GPR149: variants seen among roughly 807,000 people sequenced by gnomAD.
GPR149 encodes the protein G protein-coupled receptor 149.
Under a neutral mutation model 50.2 loss-of-function variants are expected in GPR149, and 50 were observed. The observed-to-expected ratio is 1.00, with a 90% CI of 0.79 to 1.26. GPR149 has a LOEUF of 1.26. Among genes scored for constraint, GPR149 ranks in the 50% most tolerant of loss-of-function variants. GPR149 has a pLI of 0.00. For synonymous variants in GPR149, 405 were observed against 358.2 expected (o/e 1.13, Z -1.48); for missense variants, 983 against 895.4 (o/e 1.10, Z -1.25).
intron 2 of GPR149, among the ~76,000 whole-genome samples, chr3:154,424,545 AT>A: frequency 6.6e-6 from 1 of 151,828 alleles, no homozygotes; most frequent in East Asian, 1.9e-4. Context: ...CATAGTTGAG[AT>A]TTTTTAAAAA....
chr3:154,369,911 C>T (rs189137364), intron 3 of GPR149, among the ~76,000 whole-genome samples: 17 of 152,234 alleles, frequency 1.1e-4, no homozygotes, highest in Admixed American at 5.2e-4. Context: ...CGAATGACCC[C>T]GGAGGAGAGG....
In GPR149 at chr3:154,427,680, C is replaced by T; in HGVS notation, c.1010G>A (p.Gly337Glu). 6.2e-7 allele frequency: 1 copy of T among 1,613,426 alleles called. No homozygotes were observed. Among genetic ancestry groups the T allele is most frequent in the Non-Finnish European group, 8.5e-7 (1 of 1,179,650 alleles). ...TGTCTCCAAGGGAAGGCTCTGAAACCCCACGACGTTCTGGACCACCATGTG... is the reference window on the plus strand; with the variant it reads ...TGTCTCCAAGGGAAGGCTCTGAAACTCCACGACGTTCTGGACCACCATGTG... Reference protein sequence around the residue: ...MMHMVVQNVVGFQSLPLETFS... With the variant: ...MMHMVVQNVVEFQSLPLETFS... The change falls in exon 2 of 4, where the codon GGG becomes GAG. Residue 337 changes from glycine to glutamate, a missense_variant. Coordinates refer to ENST00000389740, the MANE Select transcript of GPR149 (RefSeq NM_001038705.3).
At position 154,428,718 on chromosome 3, in the gene GPR149, T is replaced by C. The variant is rs1014510980; in HGVS notation, c.898A>G (p.Arg300Gly). Reference sequence around the variant, plus strand: ...TGCGCTACGCTCACGGTGAAGCTCCTGGTGCCATAGAGAGTCCCCCGGTTC... The same window carrying C: ...TGCGCTACGCTCACGGTGAAGCTCCCGGTGCCATAGAGAGTCCCCCGGTTC... ...RENRGTLYGT[R>G]SFTVSVAQKR... The change falls in exon 1 of 4, where the codon AGG becomes GGG. Residue 300 changes from arginine to glycine, a missense_variant. Physicochemically the swap from Arg to Gly is moderately radical, Grantham distance 125. Coordinates refer to ENST00000389740, the MANE Select transcript of GPR149 (RefSeq NM_001038705.3). 3.7e-6 allele frequency: 6 copies of C among 1,614,154 alleles called. No individual in the cohort carries two copies. The highest frequency in any genetic ancestry group is 2.2e-5 in the East Asian group (1 of 44,850).
intron 3 of GPR149, among the ~76,000 whole-genome samples, chr3:154,394,809 T>A (rs761487197): frequency 5.5e-4 from 83 of 152,140 alleles, no homozygotes; most frequent in Non-Finnish European, 1.0e-3. Flanking sequence ...CCAACAGATA[T>A]GTGATGAGAT....
rs1713669434 is a variant in GPR149, at chr3:154,337,001, AAC to A, written c.*696_*697del. The A allele has an allele frequency of 6.6e-6, 1 of 152,122 alleles. No homozygotes were observed. Among genetic ancestry groups the A allele is most frequent in the African/African-American group, 2.4e-5 (1 of 41,460 alleles). The allele number at this position is 152,122 out of a possible 1,614,324, so 9.4% of individuals were successfully genotyped here. A position where few individuals can be genotyped will look rare whatever the true frequency, so the allele number is the denominator to read the frequency against. On this transcript the variant is annotated 3_prime_UTR_variant, in exon 4 of 4. Transcript: ENST00000389740. ...TAAAGATACTTCTAATTCCACCTCT[AAC>A]ACACAATATATTTGTTTTATGGGAC...
intron 3 of GPR149, among the ~76,000 whole-genome samples, chr3:154,380,561 C>A (rs1036941017): frequency 6.8e-4 from 104 of 152,306 alleles, no homozygotes; most frequent in Non-Finnish European, 9.1e-4. Flanking sequence ...TCTGCCTCAG[C>A]CTCCCAAAGT....
At chr3:154,414,090 C>T (rs1018276846) in intron 3 of GPR149, among the ~76,000 whole-genome samples, 3 of 151,758 alleles carry the variant, frequency 2.0e-5, no homozygotes, top group Admixed American at 2.0e-4. Flanking sequence ...CGTTCTCATT[C>T]ATATGTGTGA....
Position 154,338,290 on chromosome 3 carries a change from T to G in GPR149, c.1624-19A>C, listed in dbSNP as rs116480453. 4.6e-3 allele frequency: 6,961 copies of G among 1,507,090 alleles called. 25 individuals carry two copies. The highest frequency in any genetic ancestry group is 7.3e-3 in the Admixed American group (328 of 44,810). 93.4% of individuals were successfully genotyped at this position (1,507,090 alleles called of 1,614,324 possible). ...CGGAACGCTGGGGACAAAAACAAAA[T>G]TGTTATTGTTGAAAGCTAGGTTCTG... On this transcript the variant is annotated intron_variant, in intron 3 of 3. Transcript: ENST00000389740.
At chr3:154,415,693 A>T (rs2108426437) in intron 3 of GPR149, among the ~76,000 whole-genome samples, 1 of 152,056 alleles carries the variant, frequency 6.6e-6, no homozygotes, top group Middle Eastern at 3.4e-3. Flanking sequence ...CAAAATGTAA[A>T]CAGTGGTTAA....
intron 3 of GPR149, among the ~76,000 whole-genome samples, chr3:154,412,757 T>C (rs1912544): frequency 0.96 from 145,767 of 152,188 alleles, 69,909 homozygotes; most frequent in East Asian, 1. Context: ...AATGCAATTC[T>C]CATCAAAACA....
intron 3 of GPR149, among the ~76,000 whole-genome samples, chr3:154,419,478 C>A (rs1295938599): frequency 6.6e-6 from 1 of 151,842 alleles, no homozygotes; most frequent in Non-Finnish European, 1.5e-5. Flanking sequence ...GTTAAATGAA[C>A]AAAAGCAGGC....
chr3:154,352,858 G>C, intron 3 of GPR149: 1 of 936,312 alleles, frequency 1.1e-6, no homozygotes, highest in East Asian at 2.4e-5. Context: ...TCTTTCTCTT[G>C]GTTGATAAAA....
At position 154,421,480 on chromosome 3, in the gene GPR149, T is replaced by C. The variant is rs1712145280; in HGVS notation, c.1182A>G (p.Arg394=). The C allele has an allele frequency of 2.6e-6, 4 of 1,545,360 alleles. No homozygotes were observed. Among genetic ancestry groups the C allele is most frequent in the Non-Finnish European group, 3.5e-6 (4 of 1,144,298 alleles). ...ATGATAGATTGAATTCAAAGCCTTT[T>C]CTCTTGACTGAGTAAAAATAAAAAC... ...AVASDGKKIK[R]KGFEFNLSFQ... The change falls in exon 3 of 4, where the codon AGA becomes AGG. Residue 394 remains arginine (R), a synonymous_variant. Coordinates refer to ENST00000389740, the MANE Select transcript of GPR149 (RefSeq NM_001038705.3).
intron 3 of GPR149, among the ~76,000 whole-genome samples, chr3:154,398,246 A>T (rs892702513): frequency 2.0e-5 from 3 of 152,310 alleles, no homozygotes; most frequent in Non-Finnish European, 4.4e-5. Context: ...TGCATGTGAA[A>T]GTTTGTTACA....
chr3:154,380,896 T>C (rs1234173265), intron 3 of GPR149, among the ~76,000 whole-genome samples: 1 of 152,130 alleles, frequency 6.6e-6, no homozygotes, highest in Non-Finnish European at 1.5e-5. Context: ...GAAAGAAAAT[T>C]CCTATAGCTA....
At position 154,358,584 on chromosome 3, in the gene GPR149, GA is replaced by G. The variant is rs1016763067; in HGVS notation, c.1624-20314del. ...ATATTTTTATCCTTCCAAAATATATGAAATCAAAGCCACTACGCAGCCTACA... is the reference window on the plus strand; with the variant it reads ...ATATTTTTATCCTTCCAAAATATATGAATCAAAGCCACTACGCAGCCTACA... On this transcript the variant is annotated intron_variant, in intron 3 of 3. Coordinates refer to ENST00000389740, the MANE Select transcript of GPR149 (RefSeq NM_001038705.3). Among the ~76,000 whole-genome samples, 6 of 152,144 alleles carry G rather than the reference GA, an allele frequency of 3.9e-5. 1 individual carries two copies. Among genetic ancestry groups the G allele is most frequent in the African/African-American group, 1.2e-4 (5 of 41,456 alleles).
chr3:154,365,179 T>C (rs1349018488), intron 3 of GPR149, among the ~76,000 whole-genome samples: 1 of 152,202 alleles, frequency 6.6e-6, no homozygotes, highest in African/African-American at 2.4e-5. Context: ...CAATGATGAA[T>C]GTTGATACCT....
intron 3 of GPR149, chr3:154,352,192 ATCT>A: frequency 1.2e-6 from 1 of 856,916 alleles, no homozygotes; most frequent in South Asian, 1.9e-5. Context: ...TTCCCACTTC[ATCT>A]TCTACCATCT....
At chr3:154,373,139 A>G (rs1714705190) in intron 3 of GPR149, among the ~76,000 whole-genome samples, 1 of 152,162 alleles carries the variant, frequency 6.6e-6, no homozygotes, top group African/African-American at 2.4e-5. Flanking sequence ...ATGGACATTT[A>G]AAGAATGGGC....
Sources: gnomAD v4.1 joint callset for allele counts (sites outside exome capture counted in the v4.1 genomes callset) on GRCh38, gnomAD v4.1.1 for gene constraint, MANE v1.5 for transcripts, NCBI Gene and HGNC (gene_info 2026-07-23, HGNC 2026-07-21) for gene names.